WWOX: variants seen among roughly 807,000 people sequenced by gnomAD.
WWOX encodes WW domain-containing oxidoreductase.
A neutral mutation model predicts 46.2 loss-of-function variants in WWOX; 69 were observed. The observed-to-expected ratio is 1.49, with a 90% CI of 1.23 to 1.82. The LOEUF is 1.82. Among genes scored for constraint, WWOX ranks in the 40% most tolerant of loss-of-function variants. The pLI, the probability that WWOX is intolerant of heterozygous loss-of-function variation, is 0.00. For missense variants in WWOX, 919 were observed against 542.6 expected (o/e 1.69, Z -6.89); for synonymous variants, 359 against 202.6 (o/e 1.77, Z -6.56).
intron 1 of WWOX, among the ~76,000 whole-genome samples, chr16:78,107,564 G>A (rs2032228619): frequency 1.3e-5 from 2 of 152,132 alleles, no homozygotes; most frequent in South Asian, 4.1e-4. Context: ...AAGGTGCACA[G>A]CGCACAGCTA....
intron 5 of WWOX, among the ~76,000 whole-genome samples, chr16:78,169,841 A>G (rs1022786955): frequency 5.9e-5 from 9 of 152,018 alleles, no homozygotes; most frequent in African/African-American, 9.7e-5. Context: ...TGAGTAACCA[A>G]TGTTCCTCAT....
chr16:78,232,082 A>G (rs1189044517), intron 5 of WWOX, among the ~76,000 whole-genome samples: 2 of 152,220 alleles, frequency 1.3e-5, no homozygotes, highest in Non-Finnish European at 2.9e-5. Context: ...AACAGAGAAT[A>G]TATATAAAAT....
intron 8 of WWOX, among the ~76,000 whole-genome samples, chr16:78,767,684 C>G (rs961003342): frequency 9.2e-5 from 14 of 152,252 alleles, no homozygotes; most frequent in Admixed American, 4.6e-4. Flanking sequence ...ACATTCCCAC[C>G]AGCAGTGCAT....
intron 5 of WWOX, among the ~76,000 whole-genome samples, chr16:78,355,989 A>G (rs1368285076): frequency 6.6e-6 from 1 of 150,828 alleles, no homozygotes; most frequent in Non-Finnish European, 1.5e-5. Flanking sequence ...TTTGCAGATA[A>G]TTCACAACTT....
At chr16:78,226,707 G>C (rs2037072144) in intron 5 of WWOX, among the ~76,000 whole-genome samples, 1 of 152,086 alleles carries the variant, frequency 6.6e-6, no homozygotes, top group African/African-American at 2.4e-5. Context: ...TGTCACACTG[G>C]ATAGGTAATA....
intron 8 of WWOX, chr16:78,780,461 C>T (rs2050296800): frequency 6.6e-6 from 1 of 152,118 alleles, no homozygotes; most frequent in South Asian, 2.1e-4. Flanking sequence ...AACAAAAAGG[C>T]CTCTGACTTA....
intron 8 of WWOX, among the ~76,000 whole-genome samples, chr16:78,614,570 T>C (rs1385866456): frequency 6.6e-6 from 1 of 152,174 alleles, no homozygotes; most frequent in Non-Finnish European, 1.5e-5. Context: ...GTTGATGCCA[T>C]TCTCTTAATT....
At chr16:78,824,944 T>G (rs573213839) in intron 8 of WWOX, among the ~76,000 whole-genome samples, 1 of 152,194 alleles carries the variant, frequency 6.6e-6, no homozygotes, top group Non-Finnish European at 1.5e-5. Flanking sequence ...TTTTATTTGT[T>G]GTTTTCATTC....
chr16:78,826,136 C>G (rs973505400), intron 8 of WWOX: 2 of 265,560 alleles, frequency 7.5e-6, no homozygotes, highest in Non-Finnish European at 1.4e-5. Context: ...AGGCCGATCA[C>G]TTGAGGTCAA....
intron 8 of WWOX, among the ~76,000 whole-genome samples, chr16:78,516,465 C>T (rs1393648774): frequency 6.6e-6 from 1 of 152,172 alleles, no homozygotes; most frequent in Non-Finnish European, 1.5e-5. Flanking sequence ...TTCCCATGCT[C>T]AGAGCTTTCC....
chr16:78,968,095 ATGGCACAGCGCGTGGTCCGCG>A (rs1567446014), intron 8 of WWOX, among the ~76,000 whole-genome samples: 3 of 130,524 alleles, frequency 2.3e-5, no homozygotes, highest in Non-Finnish European at 3.1e-5. Flanking sequence ...CATGGTCCGC[ATGGCACAGCGCGTGGTCCGCG>A]TGGCACAGCG....
chr16:78,617,358 C>T (rs2046051280), intron 8 of WWOX, among the ~76,000 whole-genome samples: 1 of 150,178 alleles, frequency 6.7e-6, no homozygotes, highest in African/African-American at 2.5e-5. Flanking sequence ...GCCGACATTG[C>T]ACCACTGCAC....
chr16:78,275,108 T>C (rs2079552282), intron 5 of WWOX, among the ~76,000 whole-genome samples: 1 of 152,242 alleles, frequency 6.6e-6, no homozygotes, highest in South Asian at 2.1e-4. Context: ...ACTTGGCTCT[T>C]GCCTTTATGC....
At chr16:78,998,280 T>C (rs1284915261) in intron 8 of WWOX, among the ~76,000 whole-genome samples, 1 of 152,210 alleles carries the variant, frequency 6.6e-6, no homozygotes, top group Non-Finnish European at 1.5e-5. Context: ...CAGTTCATTC[T>C]CTCTGATCTA....
intron 8 of WWOX, among the ~76,000 whole-genome samples, chr16:79,105,132 T>C (rs2150641229): frequency 6.6e-6 from 1 of 152,288 alleles, no homozygotes; most frequent in African/African-American, 2.4e-5. Context: ...GGGTGGGTCC[T>C]GTAGCCCCAG....
intron 8 of WWOX, among the ~76,000 whole-genome samples, chr16:79,123,359 C>G (rs2049680145): frequency 6.6e-6 from 1 of 152,114 alleles, no homozygotes; most frequent in Non-Finnish European, 1.5e-5. Context: ...TGGCATCTTA[C>G]CTATAAAAAT....
intron 6 of WWOX, among the ~76,000 whole-genome samples, chr16:78,401,329 C>T (rs2082408191): frequency 6.6e-6 from 1 of 152,036 alleles, no homozygotes; most frequent in Admixed American, 6.5e-5. Flanking sequence ...AATTTTGAAC[C>T]TAATATTTCT....
At chr16:78,918,865 T>C (rs1012427890) in intron 8 of WWOX, among the ~76,000 whole-genome samples, 1 of 152,206 alleles carries the variant, frequency 6.6e-6, no homozygotes, top group Non-Finnish European at 1.5e-5. Flanking sequence ...GTTCCAAATA[T>C]GAGCACTTTC....
chr16:78,261,806 A>C (rs1446768521), intron 5 of WWOX, among the ~76,000 whole-genome samples: 3 of 138,500 alleles, frequency 2.2e-5, no homozygotes, highest in Middle Eastern at 7.8e-3. Flanking sequence ...ATATATATAT[A>C]TATATATATA....
Sources: gnomAD v4.1 joint callset for allele counts (sites outside exome capture counted in the v4.1 genomes callset) on GRCh38, gnomAD v4.1.1 for gene constraint, MANE v1.5 for transcripts, NCBI Gene and HGNC (gene_info 2026-07-23, HGNC 2026-07-21) for gene names.